CCDC102B: variants seen among roughly 807,000 people sequenced by gnomAD.
CCDC102B encodes coiled-coil domain-containing protein 102B.
CCDC102B carries 75 observed loss-of-function variants against 57.4 expected under a neutral mutation model. The ratio of observed to expected loss-of-function variants is 1.31; its 90% CI spans 1.08 to 1.58. The LOEUF (loss-of-function observed/expected upper bound fraction) is 1.58. CCDC102B is among the 40% of genes most tolerant of loss of function. The pLI is 0.00. For missense variants in CCDC102B, 636 were observed against 582.6 expected (o/e 1.09, Z -0.94); for synonymous variants, 206 against 201.9 (o/e 1.02, Z -0.17).
At chr18:69,008,009 C>T (rs1055192832) in intron 6 of CCDC102B, among the ~76,000 whole-genome samples, 1 of 152,178 alleles carries the variant, frequency 6.6e-6, no homozygotes, top group Non-Finnish European at 1.5e-5. Flanking sequence ...AATAATTTTG[C>T]TAAAGCACAA....
At chr18:68,796,845 G>GCA (rs148338399), upstream of CCDC102B, among the ~76,000 whole-genome samples, 19,533 of 63,096 alleles carry the variant, frequency 0.31, 1,384 homozygotes, top group Non-Finnish European at 0.41. Context: ...GTACATGCAT[G>GCA]TGTGTGTGTG....
intron 6 of CCDC102B, among the ~76,000 whole-genome samples, chr18:68,967,416 C>A (rs1026739842): frequency 2.0e-5 from 3 of 151,862 alleles, no homozygotes; most frequent in African/African-American, 7.3e-5. Context: ...GACATGAAGT[C>A]TTTAGCACAA....
chr18:68,940,269 A>G (rs1323395036), intron 6 of CCDC102B, among the ~76,000 whole-genome samples: 1 of 151,862 alleles, frequency 6.6e-6, no homozygotes, highest in African/African-American at 2.4e-5. Context: ...GTTTTCAGAT[A>G]TTAGGCAATT....
chr18:68,871,021 A>G (rs1162951245), intron 4 of CCDC102B, among the ~76,000 whole-genome samples: 1 of 152,204 alleles, frequency 6.6e-6, no homozygotes, highest in Admixed American at 6.5e-5. Context: ...TATAGAATAC[A>G]TATTTATATA....
At chr18:68,920,681 T>A (rs1030668239) in intron 6 of CCDC102B, among the ~76,000 whole-genome samples, 4 of 152,076 alleles carry the variant, frequency 2.6e-5, no homozygotes, top group African/African-American at 9.6e-5. Context: ...AAACTTACAA[T>A]CATGGAGGAA....
upstream of CCDC102B, among the ~76,000 whole-genome samples, chr18:68,795,978 A>T (rs1415247431): frequency 6.6e-6 from 1 of 152,204 alleles, no homozygotes; most frequent in East Asian, 1.9e-4. Context: ...CAGAAAGATG[A>T]AAACATAATC....
chr18:68,985,562 C>T (rs1246661181), intron 6 of CCDC102B, among the ~76,000 whole-genome samples: 2 of 152,126 alleles, frequency 1.3e-5, no homozygotes, highest in Non-Finnish European at 2.9e-5. Flanking sequence ...AGAGAAACTA[C>T]AGTGTGAACC....
intron 6 of CCDC102B, among the ~76,000 whole-genome samples, chr18:68,983,736 T>A (rs184516240): frequency 1.3e-5 from 2 of 152,034 alleles, no homozygotes; most frequent in African/African-American, 2.4e-5. Context: ...TTTCACTGTA[T>A]TTTTTAGCTT....
intron 6 of CCDC102B, among the ~76,000 whole-genome samples, chr18:68,930,187 A>G (rs2041620084): frequency 6.7e-6 from 1 of 149,582 alleles, no homozygotes; most frequent in African/African-American, 2.4e-5. Context: ...CAAGATGTAT[A>G]TATAACACAT....
At chr18:68,806,318 A>G (rs1266084860) in intron 1 of CCDC102B, among the ~76,000 whole-genome samples, 1 of 152,052 alleles carries the variant, frequency 6.6e-6, no homozygotes, top group Non-Finnish European at 1.5e-5. Flanking sequence ...AATGATATTC[A>G]TTTTATTTTT....
chr18:68,715,569 G>C (rs1296429213), intron 1 of CCDC102B: 1 of 152,254 alleles, frequency 6.6e-6, no homozygotes, highest in Non-Finnish European at 1.5e-5. Context: ...TGCATAATGG[G>C]ACATCTCTTA....
intron 2 of CCDC102B, among the ~76,000 whole-genome samples, chr18:68,728,128 A>C (rs568700223): frequency 6.6e-5 from 10 of 152,326 alleles, no homozygotes; most frequent in African/African-American, 2.4e-4. Context: ...CTGGAGGTCA[A>C]GCCATGCAAT....
rs558764533 is a variant in CCDC102B at position 69,046,609 on chromosome 18, T to C, written c.1435-7421T>C. On this transcript the variant is annotated intron_variant, in intron 7 of 7. Transcript: ENST00000360242. Reference sequence around the variant, plus strand: ...GGTCTTTACTTTAATTAGATCCCAATTGTCAATTTTTGCTTTTGTTGTAAT... The same window carrying C: ...GGTCTTTACTTTAATTAGATCCCAACTGTCAATTTTTGCTTTTGTTGTAAT... Among the ~76,000 whole-genome samples, 12 of 152,318 alleles carry C rather than the reference T, an allele frequency of 7.9e-5. No homozygotes were observed. In the South Asian group the frequency reaches 2.5e-3, roughly 32 times the overall value.
intron 5 of CCDC102B, among the ~76,000 whole-genome samples, chr18:68,889,723 G>A (rs1297875191): frequency 6.6e-6 from 1 of 152,126 alleles, no homozygotes; most frequent in Non-Finnish European, 1.5e-5. Context: ...ACAGGCGTGA[G>A]CCACCGGGCC....
rs558145757 is a variant in CCDC102B, at chr18:69,043,628, C to G, written c.1435-10402C>G. Reference sequence around the variant, plus strand: ...GTTTAACAAAGCACATCTTGCACCGCCCTTAATCCATTTAACCCTGAGTTT... The same window carrying G: ...GTTTAACAAAGCACATCTTGCACCGGCCTTAATCCATTTAACCCTGAGTTT... On this transcript the variant is annotated intron_variant, in intron 7 of 7. Transcript: ENST00000360242. Among the ~76,000 whole-genome samples, 432 of 152,184 alleles carry G rather than the reference C, an allele frequency of 2.8e-3. 1 individual carries two copies. Among genetic ancestry groups the G allele is most frequent in the Non-Finnish European group, 4.4e-3 (302 of 67,990 alleles).
intron 1 of CCDC102B, among the ~76,000 whole-genome samples, chr18:68,808,300 G>T (rs1295693458): frequency 2.0e-5 from 3 of 151,870 alleles, no homozygotes; most frequent in East Asian, 1.9e-4. Flanking sequence ...CTACAAATCA[G>T]ATTACAGTGG....
chr18:68,812,537 C>T (rs544035170), intron 1 of CCDC102B, among the ~76,000 whole-genome samples: 10 of 152,214 alleles, frequency 6.6e-5, no homozygotes, highest in African/African-American at 2.2e-4. Context: ...ATCTGAATAG[C>T]GTCTCTATAG....
chr18:69,014,893 C>T (rs1251394106), intron 7 of CCDC102B, among the ~76,000 whole-genome samples: 1 of 150,206 alleles, frequency 6.7e-6, no homozygotes, highest in South Asian at 2.1e-4. Context: ...TAAAAAATTT[C>T]AAGTGAAGAA....
chr18:69,056,233 G>C (rs2052812480), downstream of CCDC102B, among the ~76,000 whole-genome samples: 1 of 152,054 alleles, frequency 6.6e-6, no homozygotes, highest in South Asian at 2.1e-4. Context: ...GCTTAAGAAA[G>C]ATATTTGCTT....
Sources: allele counts gnomAD v4.1 joint callset (sites outside exome capture counted in the v4.1 genomes callset), GRCh38; gene constraint gnomAD v4.1.1; transcripts MANE v1.5; gene names NCBI Gene and HGNC (gene_info 2026-07-23, HGNC 2026-07-21).